Variants in EPHA4 observed in about 807,000 individuals in gnomAD.
EPHA4 encodes ephrin type-A receptor 4.
In EPHA4, 19 loss-of-function variants were observed where a neutral mutation model predicts 108.3. The observed-to-expected ratio is 0.18, with a 90% confidence interval of 0.12 to 0.26. EPHA4 has a LOEUF of 0.26. Among genes scored for constraint, EPHA4 ranks in the 10% least tolerant of loss-of-function variants. The probability of loss-of-function intolerance (pLI) is 1.00; values close to 1 mark genes in which losing one functional copy is unlikely to be tolerated. For synonymous variants in EPHA4, 449 were observed against 455.5 expected (o/e 0.99, Z 0.18); for missense variants, 917 against 1,254.0 (o/e 0.73, Z 4.06).
intron 5 of EPHA4, among the ~76,000 whole-genome samples, chr2:221,473,209 T>C (rs1691544339): frequency 6.6e-6 from 1 of 152,132 alleles, no homozygotes; most frequent in Non-Finnish European, 1.5e-5. Flanking sequence ...GAGTACAGGT[T>C]GTGGGGGTGG....
Position 221,450,117 on chromosome 2 carries a change from C to T in EPHA4, c.1716-3936G>A, listed in dbSNP as rs547174882. Among the ~76,000 whole-genome samples, 4 of 152,326 alleles carry T rather than the reference C, an allele frequency of 2.6e-5. No homozygotes were observed. The South Asian group carries it at 6.2e-4, about 24-fold the overall frequency. Reference sequence around the variant, plus strand: ...ATGACTTCATCAGAGCTGAATTAGGCTAACATTTAAGTGTTTTCATTTTCA... The same window carrying T: ...ATGACTTCATCAGAGCTGAATTAGGTTAACATTTAAGTGTTTTCATTTTCA... On this transcript the variant is annotated intron_variant, in intron 8 of 17. Coordinates refer to ENST00000281821, the MANE Select transcript of EPHA4 (RefSeq NM_004438.5).
At chr2:221,442,808 T>TA in intron 11 of EPHA4, 21 bp downstream of exon 11, 1 of 1,612,858 alleles carries the variant, frequency 6.2e-7, no homozygotes. Flanking sequence ...CTTGGCTTTG[T>TA]AAAGGGGGTG....
chr2:221,487,036 T>G (rs1482240020), intron 4 of EPHA4, among the ~76,000 whole-genome samples: 1 of 152,108 alleles, frequency 6.6e-6, no homozygotes, highest in African/African-American at 2.4e-5. Flanking sequence ...CAATTGCCTC[T>G]TTTTTTCATG....
At chr2:221,531,266 G>A (rs1427734855) in intron 3 of EPHA4, among the ~76,000 whole-genome samples, 1 of 152,080 alleles carries the variant, frequency 6.6e-6, no homozygotes, top group African/African-American at 2.4e-5. Context: ...CCCTAGTATA[G>A]ATTAATAGAT....
chr2:221,506,117 T>C (rs1265449064), intron 3 of EPHA4, among the ~76,000 whole-genome samples: 1 of 151,984 alleles, frequency 6.6e-6, no homozygotes, highest in Non-Finnish European at 1.5e-5. Flanking sequence ...TCCAACCCTA[T>C]CTTGTGGGCA....
At chr2:221,436,675 T>C in intron 12 of EPHA4, 67 bp from the exon 13 acceptor site, 1 of 1,474,632 alleles carries the variant, frequency 6.8e-7, no homozygotes, top group South Asian at 1.1e-5. Flanking sequence ...ACCAAGCATT[T>C]ATTACTTGAA....
intron 5 of EPHA4, among the ~76,000 whole-genome samples, chr2:221,464,658 C>T (rs574007918): frequency 6.6e-6 from 1 of 152,186 alleles, no homozygotes; most frequent in East Asian, 1.9e-4. Flanking sequence ...ATTTTGTTTG[C>T]GGTACATTCG....
intron 2 of EPHA4, among the ~76,000 whole-genome samples, chr2:221,568,326 C>A (rs1694728880): frequency 6.6e-6 from 1 of 151,350 alleles, no homozygotes; most frequent in Non-Finnish European, 1.5e-5. Flanking sequence ...TTTATTTATT[C>A]TTTTTTTTTC....
At chr2:221,480,145 A>G (rs1340401703) in intron 5 of EPHA4, among the ~76,000 whole-genome samples, 2 of 142,488 alleles carry the variant, frequency 1.4e-5, no homozygotes, top group Admixed American at 1.5e-4. Flanking sequence ...TTGCCCCAGT[A>G]GGTGTTGACA....
intron 3 of EPHA4, among the ~76,000 whole-genome samples, chr2:221,543,539 C>A (rs568680598): frequency 1.0e-3 from 157 of 152,234 alleles, no homozygotes; most frequent in Non-Finnish European, 1.9e-3. Context: ...AACCTGATAA[C>A]CTTATGATAA....
At chr2:221,545,225 ATCACGAGGTCGAGGTGGGCG>A (rs1395622547) in intron 3 of EPHA4, among the ~76,000 whole-genome samples, 10 of 22,868 alleles carry the variant, frequency 4.4e-4, no homozygotes, top group Non-Finnish European at 6.8e-4. Flanking sequence ...AGGTGGGCGG[ATCACGAGGTCGAGGTGGGCG>A]GATCACGAGG....
intron 2 of EPHA4, among the ~76,000 whole-genome samples, chr2:221,567,982 T>C (rs1338974068): frequency 1.3e-5 from 2 of 152,196 alleles, no homozygotes; most frequent in Non-Finnish European, 2.9e-5. Flanking sequence ...TTCTGACTGG[T>C]TATTTAGGGG....
intron 14 of EPHA4, among the ~76,000 whole-genome samples, chr2:221,430,524 C>T (rs146267447): frequency 6.6e-6 from 1 of 152,036 alleles, no homozygotes; most frequent in African/African-American, 2.4e-5. Context: ...CCTAAACACT[C>T]TTCGCAAAAG....
At chr2:221,504,926 C>CTTAGCAAAAATA (rs1692586081) in intron 3 of EPHA4, among the ~76,000 whole-genome samples, 1 of 152,200 alleles carries the variant, frequency 6.6e-6, no homozygotes, top group African/African-American at 2.4e-5. Context: ...AGAGTTAGGT[C>CTTAGCAAAAATA]TGACCTTCAG....
chr2:221,532,232 C>T (rs1204784613), intron 3 of EPHA4, among the ~76,000 whole-genome samples: 1 of 151,958 alleles, frequency 6.6e-6, no homozygotes, highest in Non-Finnish European at 1.5e-5. Flanking sequence ...AAGCAATTCT[C>T]CTGCCTCAGC....
In EPHA4 at chr2:221,456,849, G is replaced by T. The variant is rs1342300451; in HGVS notation, c.1444-77C>A. The T allele has an allele frequency of 2.6e-6, 4 of 1,527,106 alleles. No individual in the cohort carries two copies. The African/African-American group carries it at 4.1e-5, about 16-fold the overall frequency. 94.6% of individuals were successfully genotyped at this position (1,527,106 alleles called of 1,614,324 possible). On this transcript the variant is annotated intron_variant, in intron 6 of 17. Coordinates refer to ENST00000281821, the MANE Select transcript of EPHA4 (RefSeq NM_004438.5). Reference sequence around the variant, plus strand: ...TTACTTACTAGGTGCAATATTAAAGGAGTCAAGCCAGTCAACTCAGAAACT... The same window carrying T: ...TTACTTACTAGGTGCAATATTAAAGTAGTCAAGCCAGTCAACTCAGAAACT...
In EPHA4 at chr2:221,425,974, G is replaced by A; in HGVS notation, c.*54C>T. ...AAAAAAGTGCAGTTCTTCAATTAAA[G>A]TGCATGGATGAGGTAAACTAATTTC... On this transcript the variant is annotated 3_prime_UTR_variant, in exon 17 of 18. Coordinates refer to ENST00000281821, the MANE Select transcript of EPHA4 (RefSeq NM_004438.5). 3 of 1,431,702 alleles carry A rather than the reference G, an allele frequency of 2.1e-6. No individual in the cohort carries two copies. Among genetic ancestry groups the A allele is most frequent in the Non-Finnish European group, 2.9e-6 (3 of 1,017,064 alleles). 88.7% of individuals were successfully genotyped at this position (1,431,702 alleles called of 1,614,324 possible). A position where few individuals can be genotyped will look rare whatever the true frequency, so the allele number is the denominator to read the frequency against.
chr2:221,546,488 C>T lies in EPHA4; in HGVS notation c.823+17243G>A, dbSNP rs527711971. ...TTCTTTTATTTCCTTTTTTCCCCTC[C>T]ACCTCTTCCCATCTGATATTTATTA... On this transcript the variant is annotated intron_variant, in intron 3 of 17. Transcript: ENST00000281821. Among the ~76,000 whole-genome samples the T allele has an allele frequency of 6.6e-5, 10 of 151,314 alleles. No individual in the cohort carries two copies. In the South Asian group the frequency reaches 1.9e-3, roughly 28 times the overall value.
rs148419621 is a variant in EPHA4, at chr2:221,558,066, A to G, written c.823+5665T>C. Among the ~76,000 whole-genome samples the G allele has an allele frequency of 1.8e-3, 281 of 152,362 alleles. 2 individuals carry two copies. The highest frequency in any genetic ancestry group is 6.5e-3 in the African/African-American group (269 of 41,584). ...AAGCATGGTATACTTATACTACAGAATATTCATCTTCAATGAAGGAGAATT... is the reference window on the plus strand; with the variant it reads ...AAGCATGGTATACTTATACTACAGAGTATTCATCTTCAATGAAGGAGAATT... On this transcript the variant is annotated intron_variant, in intron 3 of 17. Transcript: ENST00000281821.
Sources: gnomAD v4.1 joint callset for allele counts (sites outside exome capture counted in the v4.1 genomes callset) on GRCh38, gnomAD v4.1.1 for gene constraint, MANE v1.5 for transcripts, NCBI Gene and HGNC (gene_info 2026-07-23, HGNC 2026-07-21) for gene names.